Variants in AHI1 observed in about 807,000 individuals in gnomAD.
The protein encoded by AHI1 is jouberin.
AHI1 carries 123 observed loss-of-function variants against 149.3 expected under a neutral mutation model. The ratio of observed to expected loss-of-function variants is 0.82; its 90% confidence interval spans 0.71 to 0.96. AHI1 has a LOEUF of 0.96. AHI1 is among the 40% of genes least tolerant of loss of function. The probability of loss-of-function intolerance (pLI) is 0.00; values close to 1 mark genes in which losing one functional copy is unlikely to be tolerated. For synonymous variants in AHI1, 475 were observed against 459.8 expected, an observed-to-expected ratio of 1.03 and a Z score of -0.42; for missense variants, 1,439 against 1,422.7, an observed-to-expected ratio of 1.01 and a Z score of -0.18.
intron 26 of AHI1, among the ~76,000 whole-genome samples, chr6:135,311,911 C>T (rs959239750): frequency 6.6e-6 from 1 of 152,166 alleles, no homozygotes; most frequent in Non-Finnish European, 1.5e-5. Flanking sequence ...TCCCCTCCTC[C>T]TCCAGTGAAG....
At chr6:135,422,680 A>C (rs1348440797) in intron 20 of AHI1, among the ~76,000 whole-genome samples, 2 of 151,470 alleles carry the variant, frequency 1.3e-5, no homozygotes, top group Non-Finnish European at 2.9e-5. Context: ...TGTAGAGATG[A>C]GGTCTCACTA....
chr6:135,365,323 T>C (rs1774010878), intron 23 of AHI1, among the ~76,000 whole-genome samples: 1 of 152,208 alleles, frequency 6.6e-6, no homozygotes, highest in Non-Finnish European at 1.5e-5. Context: ...AATTTTAGGA[T>C]TGTTTTCTAG....
intron 24 of AHI1, among the ~76,000 whole-genome samples, chr6:135,342,294 C>T (rs1364682380): frequency 6.6e-6 from 1 of 151,834 alleles, no homozygotes; most frequent in Non-Finnish European, 1.5e-5. Flanking sequence ...AACCAGCAAT[C>T]AAAACACTGC....
intron 5 of AHI1, among the ~76,000 whole-genome samples, chr6:135,468,496 G>T (rs1354818960): frequency 3.9e-5 from 6 of 152,108 alleles, no homozygotes; most frequent in Non-Finnish European, 8.8e-5. Context: ...ATGAGGTCAG[G>T]AGTTCGAGAT....
chr6:135,379,304 T>C (rs919384008), intron 23 of AHI1, among the ~76,000 whole-genome samples: 1 of 152,202 alleles, frequency 6.6e-6, no homozygotes, highest in Non-Finnish European at 1.5e-5. Context: ...CAAATTCTAC[T>C]TCTCTATCTT....
chr6:135,482,893 G>GTTTTTTTTTTTTTTTTTTT (rs1491384083), intron 5 of AHI1, among the ~76,000 whole-genome samples: 13 of 5,780 alleles, frequency 2.2e-3, no homozygotes, highest in African/African-American at 3.5e-3. Flanking sequence ...TCCATTTAAG[G>GTTTTTTTTTTTTTTTTTTT]CTTTTTTTTT....
intron 4 of AHI1, 63 bp from the exon 5 acceptor site, chr6:135,490,810 C>T: frequency 6.5e-7 from 1 of 1,537,760 alleles, no homozygotes; most frequent in Non-Finnish European, 8.8e-7. Flanking sequence ...ACCTACACTA[C>T]TAGGATGTTA....
chr6:135,293,405 AGAAAAAAAAAAAAAAAAAAG>A (rs1782625190), intron 27 of AHI1, among the ~76,000 whole-genome samples: 1 of 99,240 alleles, frequency 1.0e-5, no homozygotes, highest in African/African-American at 1.0e-4. Flanking sequence ...AAAAAAAAAA[AGAAAAAAAAAAAAAAAAAAG>A]AAAAAAAGAA....
At chr6:135,373,799 C>T (rs1775428422) in intron 23 of AHI1, among the ~76,000 whole-genome samples, 1 of 152,100 alleles carries the variant, frequency 6.6e-6, no homozygotes, top group African/African-American at 2.4e-5. Flanking sequence ...TCTTATGTAT[C>T]ATTACCAAGT....
intron 24 of AHI1, among the ~76,000 whole-genome samples, chr6:135,348,413 A>C (rs1313107468): frequency 1.3e-5 from 2 of 152,200 alleles, no homozygotes; most frequent in African/African-American, 4.8e-5. Context: ...TAGAGTGGTT[A>C]AATTTTATTT....
chr6:135,383,443 C>T (rs1777155543), intron 23 of AHI1, among the ~76,000 whole-genome samples: 1 of 129,628 alleles, frequency 7.7e-6, no homozygotes, highest in Non-Finnish European at 1.6e-5. Context: ...CACTGTGTGG[C>T]CCAGGTTGGT....
chr6:135,429,321 G>T (rs1469839004), intron 18 of AHI1, among the ~76,000 whole-genome samples: 2 of 151,406 alleles, frequency 1.3e-5, no homozygotes, highest in African/African-American at 4.9e-5. Context: ...TGCCAGGTAA[G>T]TATTATTATC....
At chr6:135,377,011 A>G (rs1157967596) in intron 23 of AHI1, among the ~76,000 whole-genome samples, 10 of 151,858 alleles carry the variant, frequency 6.6e-5, no homozygotes, top group African/African-American at 1.9e-4. Flanking sequence ...AAGCAATTTA[A>G]GTATGAATCT....
At chr6:135,369,184 T>G (rs1034728889) in intron 23 of AHI1, among the ~76,000 whole-genome samples, 13 of 152,236 alleles carry the variant, frequency 8.5e-5, no homozygotes, top group African/African-American at 3.1e-4. Context: ...TCTGGTGATC[T>G]GGACCTTCAG....
chr6:135,285,502 A>T lies in AHI1; in HGVS notation c.*143T>A. ...CCCACAACTTGATTCTGATTTTTCT[A>T]GAGTCATTCATAAGAACAAGAAGTA... On this transcript the variant is annotated 3_prime_UTR_variant, in exon 29 of 29. Coordinates refer to ENST00000265602, the MANE Select transcript of AHI1 (RefSeq NM_001134831.2). 2 of 864,592 alleles carry T rather than the reference A, an allele frequency of 2.3e-6. No individual in the cohort carries two copies. Among genetic ancestry groups the T allele is most frequent in the Non-Finnish European group, 3.7e-6 (2 of 541,778 alleles). The allele number at this position is 864,592 out of a possible 1,614,324, so 53.6% of individuals were successfully genotyped here. A position where few individuals can be genotyped will look rare whatever the true frequency, so the allele number is the denominator to read the frequency against.
Position 135,448,368 on chromosome 6 carries a change from T to C in AHI1, c.1548A>G (p.Glu516=). Residue 516 remains glutamate, a synonymous_variant, in exon 12 of 29, where the codon GAA becomes GAG. Transcript: ENST00000265602. ...RSPLSVVEAF[E]WWSKCPRNHY... is the part of the protein sequence containing the mutation. ...GATTTCTTGGACATTTTGACCACCA[T>C]TCAAATGCCTCAACAACACTTAATG... 1 of 1,611,338 alleles carries C rather than the reference T, an allele frequency of 6.2e-7. No homozygotes were observed. Among genetic ancestry groups the C allele is most frequent in the Non-Finnish European group, 8.5e-7 (1 of 1,178,226 alleles).
chr6:135,341,201 A>G (rs555415954), intron 24 of AHI1, among the ~76,000 whole-genome samples: 3 of 152,210 alleles, frequency 2.0e-5, no homozygotes, highest in African/African-American at 7.2e-5. Context: ...ATCCAATTAC[A>G]AGCTATGTAC....
chr6:135,299,493 G>C (rs192762510), intron 27 of AHI1, among the ~76,000 whole-genome samples: 1 of 152,158 alleles, frequency 6.6e-6, no homozygotes, highest in Non-Finnish European at 1.5e-5. Context: ...TGGGATGGGA[G>C]GGTATGATAG....
chr6:135,477,813 A>G (rs995474058), intron 5 of AHI1, among the ~76,000 whole-genome samples: 1 of 151,954 alleles, frequency 6.6e-6, no homozygotes, highest in Non-Finnish European at 1.5e-5. Flanking sequence ...CTTTTCTCAT[A>G]AATTACCCAG....
Sources: gnomAD v4.1 joint callset for allele counts (sites outside exome capture counted in the v4.1 genomes callset) on GRCh38, gnomAD v4.1.1 for gene constraint, MANE v1.5 for transcripts, NCBI Gene and HGNC (gene_info 2026-07-23, HGNC 2026-07-21) for gene names.